SIX5: variants seen among roughly 807,000 people sequenced by gnomAD.
The protein encoded by SIX5 is SIX homeobox 5.
SIX5 carries 21 observed loss-of-function variants against 37.1 expected under a neutral mutation model. The ratio of observed to expected loss-of-function variants is 0.57; its 90% CI spans 0.40 to 0.81. The LOEUF is 0.81. Ranked by LOEUF, SIX5 falls within the 40% of genes least tolerant of loss-of-function variation. SIX5 has a pLI of 0.00. For synonymous variants in SIX5, 626 were observed against 505.9 expected (o/e 1.24, Z -3.19); for missense variants, 1,137 against 1,025.1 (o/e 1.11, Z -1.49).
rs1262556910 is a variant in SIX5, at chr19:45,766,657, C to T, written c.1302G>A (p.Thr434=). Residue 434 remains threonine, a synonymous_variant, in exon 2 of 3, where the codon ACG becomes ACA. Transcript: ENST00000317578. ...PLAQVVPGPP[T]AATFPLPPGP... ...CCGGGGGCAGAGGAAAGGTGGCAGC[C>T]GTCGGGGGGCCAGGCACCACTTGGG... is the stretch of plus-strand genomic sequence containing the variant. The T allele has an allele frequency of 3.4e-6, 5 of 1,483,586 alleles. No individual in the cohort carries two copies. The highest frequency in any genetic ancestry group is 4.5e-6 in the Non-Finnish European group (5 of 1,115,662). The allele number at this position is 1,483,586 out of a possible 1,614,324, so 91.9% of individuals were successfully genotyped here.
rs758975545 is a variant in SIX5, at chr19:45,765,966, C to G, written c.1755G>C (p.Leu585=). The change falls in exon 3 of 3, where the codon CTG becomes CTC. Residue 585 remains leucine (L), a synonymous_variant. Transcript: ENST00000317578. The part of the protein sequence containing the change: ...QVLPPAPGLA[L]PLKPETAISV... ...AGATGGCCGTCTCTGGCTTCAGTGG[C>G]AGGGCCAGGCCGGGGGCTGGCGGCA... 1.9e-6 allele frequency: 3 copies of G among 1,594,006 alleles called. No individual in the cohort carries two copies. In the African/African-American group the frequency reaches 4.0e-5, roughly 21 times the overall value.
chr19:45,768,525 A>G lies in SIX5; in HGVS notation c.320T>C (p.Leu107Ser). 1 of 1,443,948 alleles carries G rather than the reference A, an allele frequency of 6.9e-7. No homozygotes were observed. Among genetic ancestry groups the G allele is most frequent in the Non-Finnish European group, 9.0e-7 (1 of 1,107,880 alleles). The allele number at this position is 1,443,948 out of a possible 1,614,324, so 89.4% of individuals were successfully genotyped here. ...GGGCAGTGCGCCCAGGAAGCGGCTC[A>G]AGCGGCCGGCGTGGCCCGCCTGGAG... ...ALLQAGHAGR[L>S]SRFLGALPPA... is the part of the protein sequence containing the mutation. Residue 107 changes from leucine to serine, a missense_variant, in exon 1 of 3, where the codon TTG becomes TCG. By Grantham distance (145) the Leu-to-Ser change is moderately radical. Around this residue, in one of 3 missense-constraint regions of SIX5, gnomAD observed 331 missense variants for 360.9 expected, o/e 0.92. Transcript: ENST00000317578.
chr19:45,766,395 C>A lies in SIX5; in HGVS notation c.1564G>T (p.Gly522Trp), dbSNP rs1160508697. The A allele has an allele frequency of 3.8e-6, 6 of 1,588,852 alleles. No homozygotes were observed. In the Admixed American group the frequency reaches 5.3e-5, roughly 14 times the overall value. The change falls in exon 2 of 3, where the codon GGG (glycine) becomes TGG (tryptophan). Residue 522 changes from glycine to tryptophan, a missense_variant. Gly to Trp is a radical substitution (Grantham distance 184). Around this residue, in one of 3 missense-constraint regions of SIX5, gnomAD observed 787 missense variants for 621.4 expected, o/e 1.27. Coordinates refer to ENST00000317578, the MANE Select transcript of SIX5 (RefSeq NM_175875.5). ...GPANVHLINS[G>W]VGVTALQLPS... ...AGCTGCAGGGCAGTCACGCCCACCC[C>A]GGAGTTGATGAGGTGCACATTGGCA... is the stretch of plus-strand genomic sequence containing the variant.
In SIX5 at chr19:45,765,726, C is replaced by G. The variant is rs759684742; in HGVS notation, c.1995G>C (p.Trp665Cys). ...CTGCGCTTAGTTCCAGCCCTGCTGA[C>G]CAGACAGGCACGGCCGCGGGTGACA... ...LMLSPAAVPV[W>C]SAGLELSAGT... Residue 665 changes from tryptophan (W) to cysteine (C), a missense_variant, in exon 3 of 3, where the codon TGG becomes TGC. Around this residue, in one of 3 missense-constraint regions of SIX5, gnomAD observed 787 missense variants for 621.4 expected, o/e 1.27. Transcript: ENST00000317578. 1 of 1,612,706 alleles carries G rather than the reference C, an allele frequency of 6.2e-7. No homozygotes were observed. Among genetic ancestry groups the G allele is most frequent in the Non-Finnish European group, 8.5e-7 (1 of 1,179,984 alleles).
Position 45,765,545 on chromosome 19 carries a change from T to A in SIX5, c.2176A>T (p.Thr726Ser). The change falls in exon 3 of 3, where the codon ACC becomes TCC. Residue 726 changes from threonine (T) to serine (S), a missense_variant. Physicochemically the swap from Thr to Ser is moderately conservative, Grantham distance 58 (BLOSUM62 1). Transcript: ENST00000317578. ...EGLEAEAKVLTQLQSVPVEEP... is the reference protein window; with the variant it reads ...EGLEAEAKVLSQLQSVPVEEP... ...TCCACAGGCACCGACTGGAGCTGGG[T>A]CAGAACCTTGGCCTCAGCTTCCAAC... 1 of 1,613,370 alleles carries A rather than the reference T, an allele frequency of 6.2e-7. No homozygotes were observed. The highest frequency in any genetic ancestry group is 8.5e-7 in the Non-Finnish European group (1 of 1,179,994).
In SIX5 at chr19:45,768,983, C is replaced by T; in HGVS notation, c.-139G>A. On this transcript the variant is annotated 5_prime_UTR_variant, in exon 1 of 3. The change creates a new upstream start codon in the 5' untranslated region. Transcript: ENST00000317578. ...TCTTTCTGGCCGACCCTGCGCCCCA[C>T]GCCGGGAAGGCGAGATCCAGCTCTC... The T allele has an allele frequency of 1.2e-6, 1 of 833,008 alleles. No individual in the cohort carries two copies. Among genetic ancestry groups the T allele is most frequent in the African/African-American group, 1.7e-5 (1 of 57,636 alleles). 51.6% of individuals were successfully genotyped at this position (833,008 alleles called of 1,614,324 possible).
intron 2 of SIX5, 33 bp from the exon 3 acceptor site, chr19:45,766,144 A>T (rs912432042): frequency 6.2e-7 from 1 of 1,600,072 alleles, no homozygotes; most frequent in Non-Finnish European, 8.5e-7. Context: ...CGCAGGTGAG[A>T]GCCAGGAGAG....
rs1441067100 is a variant in SIX5 at position 45,765,074 on chromosome 19, G to A, written c.*427C>T. 1 of 235,590 alleles carries A rather than the reference G, an allele frequency of 4.2e-6. No homozygotes were observed. The highest frequency in any genetic ancestry group is 4.8e-5 in the Admixed American group (1 of 20,668). 14.6% of individuals were successfully genotyped at this position (235,590 alleles called of 1,614,324 possible). A position where few individuals can be genotyped will look rare whatever the true frequency, so the allele number is the denominator to read the frequency against. Reference sequence around the variant, plus strand: ...GCGGGGCTGCCTGTCCTCCACCTTCGGATTCCAGGCAGTTGTGACAACACC... The same window carrying A: ...GCGGGGCTGCCTGTCCTCCACCTTCAGATTCCAGGCAGTTGTGACAACACC... On this transcript the variant is annotated 3_prime_UTR_variant, in exon 3 of 3. Coordinates refer to ENST00000317578, the MANE Select transcript of SIX5 (RefSeq NM_175875.5).
At position 45,768,205 on chromosome 19, in the gene SIX5, C is replaced by T; in HGVS notation, c.640G>A (p.Ala214Thr). 6.2e-6 allele frequency: 10 copies of T among 1,613,188 alleles called. No homozygotes were observed. Among genetic ancestry groups the T allele is most frequent in the African/African-American group, 1.3e-5 (1 of 75,058 alleles). The change falls in exon 1 of 3, where the codon GCA becomes ACA. Residue 214 changes from alanine to threonine, a missense_variant. Transcript: ENST00000317578. ...CCGCGGTAGCAGGCCTTGAGCGCTG[C>T]GCGGGAGCGCTCCTTGAAGCAGTAG... is the stretch of plus-strand genomic sequence containing the variant. ...TVYCFKERSR[A>T]ALKACYRGNR...
chr19:45,766,045 C>A lies in SIX5; in HGVS notation c.1676G>T (p.Gly559Val). 1.2e-6 allele frequency: 2 copies of A among 1,611,566 alleles called. No individual in the cohort carries two copies. The highest frequency in any genetic ancestry group is 1.7e-6 in the Non-Finnish European group (2 of 1,179,108). The change falls in exon 3 of 3, where the codon GGC becomes GTC. Residue 559 changes from glycine (G) to valine (V), a missense_variant. This residue lies in a region of SIX5 where 787 missense variants were observed against 621.4 expected (regional missense o/e 1.27). Transcript: ENST00000317578. Reference sequence around the variant, plus strand: ...GAAGGTGGCGGTGAGGATGATCTTGCCCTGCTGCAGGGCCACACCCGTCAC... The same window carrying A: ...GAAGGTGGCGGTGAGGATGATCTTGACCTGCTGCAGGGCCACACCCGTCAC... Reference protein sequence around the residue: ...PIVTGVALQQGKIILTATFPT... With the variant: ...PIVTGVALQQVKIILTATFPT...
At position 45,765,575 on chromosome 19, in the gene SIX5, C is replaced by A. The variant is rs780320911; in HGVS notation, c.2146G>T (p.Glu716Ter). The change falls in exon 3 of 3, where the codon GAG becomes TAG. Residue 716 changes from glutamate (E) to a stop codon, truncating the protein, a stop_gained. Coordinates refer to ENST00000317578, the MANE Select transcript of SIX5 (RefSeq NM_175875.5). LOFTEE classifies it high-confidence loss of function. ...ACCTTGGCCTCAGCTTCCAACCCCT[C>A]GTCAACCTCACCCCCTGCGGTGGCC... is the stretch of plus-strand genomic sequence containing the variant. ...LGATAGGEVD[E>*]GLEAEAKVLT... The A allele has an allele frequency of 6.2e-7, 1 of 1,613,418 alleles. No individual in the cohort carries two copies.
intron 1 of SIX5, 71 bp downstream of exon 1, chr19:45,767,971 C>T (rs989210154): frequency 1.3e-6 from 2 of 1,482,760 alleles, no homozygotes; most frequent in African/African-American, 1.4e-5. Flanking sequence ...CAGCAGTGGG[C>T]ACGGGGGAAG....
In SIX5 at chr19:45,769,041, T is replaced by C. The variant is rs1280980061; in HGVS notation, c.-197A>G. 18 of 523,988 alleles carry C rather than the reference T, an allele frequency of 3.4e-5. No homozygotes were observed. Among genetic ancestry groups the C allele is most frequent in the South Asian group, 7.4e-5 (3 of 40,560 alleles). The allele number at this position is 523,988 out of a possible 1,614,324, so 32.5% of individuals were successfully genotyped here. Reference sequence around the variant, plus strand: ...GTCTCTGTCCCCTTGTGTGTGTCCGTCCCCCTCCCGTCTGTCTGTGATTCT... The same window carrying C: ...GTCTCTGTCCCCTTGTGTGTGTCCGCCCCCCTCCCGTCTGTCTGTGATTCT... On this transcript the variant is annotated 5_prime_UTR_variant, in exon 1 of 3. Transcript: ENST00000317578.
chr19:45,769,038 C>T lies in SIX5; in HGVS notation c.-194G>A. On this transcript the variant is annotated 5_prime_UTR_variant, in exon 1 of 3. Coordinates refer to ENST00000317578, the MANE Select transcript of SIX5 (RefSeq NM_175875.5). ...CGGGTCTCTGTCCCCTTGTGTGTGT[C>T]CGTCCCCCTCCCGTCTGTCTGTGAT... 1.8e-6 allele frequency: 1 copy of T among 548,262 alleles called. No individual in the cohort carries two copies. Among genetic ancestry groups the T allele is most frequent in the South Asian group, 2.3e-5 (1 of 43,318 alleles). The allele number at this position is 548,262 out of a possible 1,614,324, so 34.0% of individuals were successfully genotyped here.
rs970586807 is a variant in SIX5, at chr19:45,767,809, G to A, written c.803+233C>T. The A allele has an allele frequency of 1.9e-5, 11 of 579,332 alleles. 1 individual carries two copies. Among genetic ancestry groups the A allele is most frequent in the South Asian group, 8.6e-5 (4 of 46,504 alleles). 35.9% of individuals were successfully genotyped at this position (579,332 alleles called of 1,614,324 possible). A position where few individuals can be genotyped will look rare whatever the true frequency, so the allele number is the denominator to read the frequency against. On this transcript the variant is annotated intron_variant, in intron 1 of 2. Transcript: ENST00000317578. The stretch of plus-strand genomic sequence containing the variant: ...CAACACCGATGGGATTTGGGAAGGA[G>A]CTCGGAATGGAGCCGCTGGAAGAGG...
At chr19:45,766,146 C>T (rs756569029) in intron 2 of SIX5, 35 bp from the exon 3 acceptor site, 2 of 1,599,496 alleles carry the variant, frequency 1.3e-6, no homozygotes, top group Non-Finnish European at 1.7e-6. Context: ...CAGGTGAGAG[C>T]CAGGAGAGCA....
rs554847654 is a variant in SIX5, at chr19:45,766,773, C to T, written c.1186G>A (p.Glu396Lys). 4.2e-5 allele frequency: 67 copies of T among 1,580,864 alleles called. 1 individual carries two copies. The South Asian group carries it at 7.4e-4, about 17-fold the overall frequency. ...LDPQTGEVRL[E>K]EAQSEAPETK... ...TCAGGGGCCTCCGACTGAGCCTCCT[C>T]CAGCCGCACCTCCCCTGTCTGAGGG... is the stretch of plus-strand genomic sequence containing the variant. Residue 396 changes from glutamate to lysine, a missense_variant, in exon 2 of 3, where the codon GAG becomes AAG. Physicochemically the swap from Glu to Lys is moderately conservative, Grantham distance 56. Coordinates refer to ENST00000317578, the MANE Select transcript of SIX5 (RefSeq NM_175875.5).
rs1969050776 is a variant in SIX5 at position 45,765,541 on chromosome 19, T to C, written c.2180A>G (p.Gln727Arg). The C allele has an allele frequency of 6.2e-7, 1 of 1,613,486 alleles. No homozygotes were observed. ...GLEAEAKVLT[Q>R]LQSVPVEEPL... ...CTCCTCCACAGGCACCGACTGGAGC[T>C]GGGTCAGAACCTTGGCCTCAGCTTC... is the stretch of plus-strand genomic sequence containing the variant. The change falls in exon 3 of 3, where the codon CAG becomes CGG. Residue 727 changes from glutamine (Q) to arginine (R), a missense_variant. Gln to Arg is a conservative substitution (Grantham distance 43). This residue lies in a region of SIX5 where 787 missense variants were observed against 621.4 expected (regional missense o/e 1.27). Coordinates refer to ENST00000317578, the MANE Select transcript of SIX5 (RefSeq NM_175875.5).
In SIX5 at chr19:45,766,982, C is replaced by T. The variant is rs756729850; in HGVS notation, c.977G>A (p.Ser326Asn). The change falls in exon 2 of 3, where the codon AGC becomes AAC. Residue 326 changes from serine to asparagine, a missense_variant. Coordinates refer to ENST00000317578, the MANE Select transcript of SIX5 (RefSeq NM_175875.5). The stretch of plus-strand genomic sequence containing the variant: ...TGGGGAGCCGCTGGCTGCCAGGAAG[C>T]TCCCGTTCACCAGGATGGAGGAGGA... ...PASSSILVNG[S>N]FLAASGSPAV... 2 of 1,600,532 alleles carry T rather than the reference C, an allele frequency of 1.2e-6. No homozygotes were observed. The highest frequency in any genetic ancestry group is 2.2e-5 in the South Asian group (2 of 89,556).
Sources: allele counts gnomAD v4.1 joint callset, GRCh38; gene constraint gnomAD v4.1.1; regional missense constraint gnomAD v4.1.1; transcripts MANE v1.5; gene names NCBI Gene and HGNC (gene_info 2026-07-23, HGNC 2026-07-21).